The following ZNF71 variants were observed in gnomAD, a reference collection of about 807,000 sequenced individuals.
ZNF71 encodes the protein zinc finger protein 71.
A neutral mutation model predicts 6.7 loss-of-function variants in ZNF71; 3 were observed. The ratio of observed to expected loss-of-function variants is 0.45; its 90% CI spans 0.20 to 1.16. ZNF71 has a LOEUF of 1.16. Among genes scored for constraint, ZNF71 ranks in the 50% most tolerant of loss-of-function variants. The pLI, the probability that ZNF71 is intolerant of heterozygous loss-of-function variation, is 0.25. For missense variants in ZNF71, 688 were observed against 728.6 expected, an observed-to-expected ratio of 0.94 and a Z score of 0.64; for synonymous variants, 343 against 311.1, an observed-to-expected ratio of 1.10 and a Z score of -1.08.
chr19:56,595,509 C>T (rs1050975786), intron 1 of ZNF71, 81 bp downstream of exon 1: 2 of 160,148 alleles, frequency 1.2e-5, no homozygotes, highest in Non-Finnish European at 2.7e-5. Context: ...CGAGGTGCGC[C>T]TGGAGAGGCT....
chr19:56,622,685 C>A lies in ZNF71; in HGVS notation c.1578C>A (p.Tyr526Ter), dbSNP rs2044872311. ...GGATCCACACGGGCGAGAAGCCCTACCGATGCGGCGAGTGCGGGAAGACCT... is the reference window on the plus strand; with the variant it reads ...GGATCCACACGGGCGAGAAGCCCTAACGATGCGGCGAGTGCGGGAAGACCT... Reference protein sequence around the residue: ...HQRIHTGEKPYRCGECGKTFS... With the variant: ...HQRIHTGEKP Residue 526 changes from tyrosine (Y) to a stop codon, truncating the protein, a stop_gained, in exon 4 of 4, where the codon TAC (tyrosine) becomes TAA (stop). Transcript: ENST00000599599. LOFTEE classifies it low-confidence loss of function (END_TRUNC). The A allele has an allele frequency of 2.5e-6, 4 of 1,614,104 alleles. No homozygotes were observed. Among genetic ancestry groups the A allele is most frequent in the Non-Finnish European group, 3.4e-6 (4 of 1,179,954 alleles).
intron 3 of ZNF71, among the ~76,000 whole-genome samples, chr19:56,614,572 G>T (rs769264428): frequency 6.6e-6 from 1 of 152,198 alleles, no homozygotes; most frequent in Non-Finnish European, 1.5e-5. Context: ...ACGTATCAAG[G>T]CCTATCGATA....
chr19:56,601,415 C>A, intron 1 of ZNF71, 92 bp from the exon 2 acceptor site: 1 of 265,404 alleles, frequency 3.8e-6, no homozygotes, highest in Non-Finnish European at 5.4e-6. Flanking sequence ...CTCTGCTTGT[C>A]TCTCAGTGGG....
At chr19:56,610,193 T>G (rs2044741279) in intron 2 of ZNF71, 1 of 152,026 alleles carries the variant, frequency 6.6e-6, no homozygotes, top group African/African-American at 2.4e-5. Flanking sequence ...GTTTATTCAC[T>G]TGAGGAAATG....
intron 1 of ZNF71, among the ~76,000 whole-genome samples, chr19:56,599,408 T>C (rs1452472540): frequency 1.3e-5 from 2 of 152,198 alleles, no homozygotes; most frequent in South Asian, 2.1e-4. Context: ...AAGCTGAGTT[T>C]TGCTGTAAGA....
chr19:56,600,196 T>C (rs1352039430), intron 1 of ZNF71, among the ~76,000 whole-genome samples: 11 of 10,942 alleles, frequency 1.0e-3, no homozygotes, highest in South Asian at 5.3e-3. Flanking sequence ...TTTTTTTTTT[T>C]TTTTTTTTTT....
At chr19:56,612,572 G>A (rs1046256807) in intron 2 of ZNF71, among the ~76,000 whole-genome samples, 5 of 152,158 alleles carry the variant, frequency 3.3e-5, no homozygotes, top group Admixed American at 2.6e-4. Flanking sequence ...GGAGCTAAGC[G>A]ATGGATATAC....
chr19:56,615,974 A>G (rs1223998745), intron 3 of ZNF71, among the ~76,000 whole-genome samples: 2 of 152,184 alleles, frequency 1.3e-5, no homozygotes, highest in African/African-American at 2.4e-5. Flanking sequence ...TGATGTAAGA[A>G]CGGGGCTCAA....
At chr19:56,619,327 C>G (rs1600597565) in intron 3 of ZNF71, among the ~76,000 whole-genome samples, 2 of 152,142 alleles carry the variant, frequency 1.3e-5, no homozygotes, top group South Asian at 4.1e-4. Context: ...CCACCCACTC[C>G]TCAGCCCCCG....
At chr19:56,608,552 T>C (rs1474298281) in intron 2 of ZNF71, among the ~76,000 whole-genome samples, 1 of 152,190 alleles carries the variant, frequency 6.6e-6, no homozygotes. Context: ...CTTTTGGCGA[T>C]TGTGAATAGT....
At chr19:56,601,355 C>T (rs1237405518) in intron 1 of ZNF71, among the ~76,000 whole-genome samples, 152 bp from the exon 2 acceptor site, 1 of 151,782 alleles carries the variant, frequency 6.6e-6, no homozygotes, top group Non-Finnish European at 1.5e-5. Flanking sequence ...TGCAGTAAGC[C>T]CTCTAAATAC....
chr19:56,602,334 G>A (rs2044677215), intron 2 of ZNF71, among the ~76,000 whole-genome samples: 1 of 152,166 alleles, frequency 6.6e-6, no homozygotes, highest in South Asian at 2.1e-4. Context: ...CCTTGAAGAG[G>A]AAGATTGGGT....
chr19:56,616,829 C>T (rs1382837744), intron 3 of ZNF71, among the ~76,000 whole-genome samples: 2 of 152,142 alleles, frequency 1.3e-5, no homozygotes, highest in East Asian at 1.9e-4. Context: ...TGGAAACTTC[C>T]CAGGCAGTTA....
chr19:56,607,585 A>T (rs2044719550), intron 2 of ZNF71, among the ~76,000 whole-genome samples: 1 of 152,170 alleles, frequency 6.6e-6, no homozygotes, highest in Non-Finnish European at 1.5e-5. Flanking sequence ...GTAATTGAAG[A>T]TGTTCACTTT....
chr19:56,622,348 TCGAGTGCAG>T lies in ZNF71; in HGVS notation c.1249_1257del (p.Ser417_Cys419del). ...CGCTTCCACATCGGCGTGAAGCCGT[TCGAGTGCAG>T]CGAGTGCGGCAAGGCCTTCAGCAAG... On this transcript the variant is annotated inframe_deletion, in exon 4 of 4. Coordinates refer to ENST00000599599, the MANE Select transcript of ZNF71 (RefSeq NM_001370215.1). 1.3e-6 allele frequency: 2 copies of T among 1,517,208 alleles called. No individual in the cohort carries two copies. Among genetic ancestry groups the T allele is most frequent in the Non-Finnish European group, 1.8e-6 (2 of 1,138,406 alleles). The allele number at this position is 1,517,208 out of a possible 1,614,324, so 94.0% of individuals were successfully genotyped here.
At chr19:56,620,867 C>T (rs939983283) in intron 3 of ZNF71, among the ~76,000 whole-genome samples, 8 of 152,230 alleles carry the variant, frequency 5.3e-5, no homozygotes, top group Non-Finnish European at 7.4e-5. Flanking sequence ...TTGAGGAGCA[C>T]GACTGGTTGT....
chr19:56,596,492 CAG>C (rs2044625878), intron 1 of ZNF71, among the ~76,000 whole-genome samples: 1 of 152,068 alleles, frequency 6.6e-6, no homozygotes, highest in African/African-American at 2.4e-5. Context: ...CTGGGAGTGA[CAG>C]GGGCCGGGTG....
chr19:56,623,144 C>T lies in ZNF71; in HGVS notation c.*387C>T, dbSNP rs114850310. 1.5e-3 allele frequency: 335 copies of T among 226,980 alleles called. 1 individual carries two copies. Among genetic ancestry groups the T allele is most frequent in the African/African-American group, 7.3e-3 (317 of 43,656 alleles). 14.1% of individuals were successfully genotyped at this position (226,980 alleles called of 1,614,324 possible). A position where few individuals can be genotyped will look rare whatever the true frequency, so the allele number is the denominator to read the frequency against. On this transcript the variant is annotated 3_prime_UTR_variant, in exon 4 of 4. Transcript: ENST00000599599. The stretch of plus-strand genomic sequence containing the variant: ...CTGGTGGAGGGGAGGGAGGAGACAT[C>T]TCCCTCTTTGTCAGATACATCCTGG...
At position 56,595,845 on chromosome 19, in the gene ZNF71, GTGTGTGTT is replaced by G. The variant is rs1164775775; in HGVS notation, c.-53+425_-53+432del. ...GTGTCTCTGGATATTGTGATTGTGTGTGTGTGTTTGTGTGTGTGTGTGTGTGTGTGTGT... is the reference window on the plus strand; with the variant it reads ...GTGTCTCTGGATATTGTGATTGTGTGTGTGTGTGTGTGTGTGTGTGTGTGT... On this transcript the variant is annotated intron_variant, in intron 1 of 3. Coordinates refer to ENST00000599599, the MANE Select transcript of ZNF71 (RefSeq NM_001370215.1). Among the ~76,000 whole-genome samples, 114 of 124,390 alleles carry G rather than the reference GTGTGTGTT, an allele frequency of 9.2e-4. No individual in the cohort carries two copies. In the Middle Eastern group the frequency reaches 0.015, roughly 17 times the overall value. 81.6% of individuals were successfully genotyped at this position (124,390 alleles called of 152,430 possible).
Sources: gnomAD v4.1 joint callset for allele counts (sites outside exome capture counted in the v4.1 genomes callset) on GRCh38, gnomAD v4.1.1 for gene constraint, MANE v1.5 for transcripts, NCBI Gene and HGNC (gene_info 2026-07-23, HGNC 2026-07-21) for gene names.